DIAPH3: variants seen among roughly 807,000 people sequenced by gnomAD.
DIAPH3 encodes the protein protein diaphanous homolog 3.
DIAPH3 carries 117 observed loss-of-function variants against 144.3 expected under a neutral mutation model. That is an observed-to-expected ratio of 0.81 (90% CI 0.70 to 0.95). The LOEUF is 0.95. Ranked by LOEUF, DIAPH3 falls within the 40% of genes least tolerant of loss-of-function variation. The probability of loss-of-function intolerance (pLI) is 0.00; values close to 1 mark genes in which losing one functional copy is unlikely to be tolerated. For missense variants in DIAPH3, 1,421 were observed against 1,412.7 expected (o/e 1.01, Z -0.09); for synonymous variants, 519 against 488.9 (o/e 1.06, Z -0.81).
intron 4 of DIAPH3, among the ~76,000 whole-genome samples, chr13:60,087,536 G>T (rs2057787921): frequency 6.6e-6 from 1 of 152,082 alleles, no homozygotes; most frequent in Admixed American, 6.5e-5. Flanking sequence ...TAGTCTTTAT[G>T]CCTCGTAAAG....
At chr13:59,841,212 T>C (rs1197803285) in intron 22 of DIAPH3, among the ~76,000 whole-genome samples, 3 of 152,128 alleles carry the variant, frequency 2.0e-5, no homozygotes, top group Non-Finnish European at 4.4e-5. Flanking sequence ...CATTAGCATT[T>C]CCTCTATCAT....
intron 24 of DIAPH3, among the ~76,000 whole-genome samples, chr13:59,831,683 T>C (rs2041787672): frequency 6.6e-6 from 1 of 151,658 alleles, no homozygotes; most frequent in Admixed American, 6.6e-5. Flanking sequence ...AGCATATCTA[T>C]ATAGGTTGGC....
chr13:60,105,059 A>G lies in DIAPH3; in HGVS notation c.390+6951T>C, dbSNP rs144811644. On this transcript the variant is annotated intron_variant, in intron 3 of 27. Transcript: ENST00000400324. ...TGCAGTGAGCTGAGATTGCGCCACT[A>G]TACTCCATCCAGCCTGGGCGACAAA... is the stretch of plus-strand genomic sequence containing the variant. Among the ~76,000 whole-genome samples, 307 of 127,828 alleles carry G rather than the reference A, an allele frequency of 2.4e-3. 7 individuals carry two copies. The East Asian group carries it at 0.06, about 25-fold the overall frequency. 83.9% of individuals were successfully genotyped at this position (127,828 alleles called of 152,430 possible).
chr13:59,668,844 TACACACAC>T (rs10640305), intron 27 of DIAPH3, among the ~76,000 whole-genome samples: 1 of 148,254 alleles, frequency 6.7e-6, no homozygotes, highest in Non-Finnish European at 1.5e-5. Context: ...TATGTATGTA[TACACACAC>T]ACACACACAC....
At chr13:60,124,595 C>A (rs2058937332) in intron 2 of DIAPH3, among the ~76,000 whole-genome samples, 1 of 152,026 alleles carries the variant, frequency 6.6e-6, no homozygotes, top group African/African-American at 2.4e-5. Context: ...TACAATTTCT[C>A]TTTTCCAATT....
At position 60,163,861 on chromosome 13, in the gene DIAPH3, G is replaced by T; in HGVS notation, c.-95C>A. ...ATCGACAACAGGTTTTACTCCCGGG[G>T]TCCGCCACCCAAACAGTCAGCACAG... is the stretch of plus-strand genomic sequence containing the variant. On this transcript the variant is annotated 5_prime_UTR_variant, in exon 1 of 28. Transcript: ENST00000400324. 6.8e-7 allele frequency: 1 copy of T among 1,465,530 alleles called. No homozygotes were observed. Among genetic ancestry groups the T allele is most frequent in the Non-Finnish European group, 9.1e-7 (1 of 1,095,042 alleles). 90.8% of individuals were successfully genotyped at this position (1,465,530 alleles called of 1,614,324 possible).
intron 20 of DIAPH3, among the ~76,000 whole-genome samples, chr13:59,906,734 T>A (rs891267802): frequency 1.3e-5 from 2 of 152,180 alleles, no homozygotes; most frequent in Non-Finnish European, 1.5e-5. Context: ...CAGAATTAAA[T>A]AACGTGGAGA....
At chr13:59,943,841 G>A (rs1187627194) in intron 17 of DIAPH3, among the ~76,000 whole-genome samples, 2 of 152,032 alleles carry the variant, frequency 1.3e-5, no homozygotes. Context: ...GCTTTGATTG[G>A]CCTCAATTAT....
rs557617973 is a variant in DIAPH3, at chr13:59,709,989, G to A, written c.3320-43143C>T. 1.2e-3 allele frequency among the ~76,000 whole-genome samples: 180 copies of A among 151,800 alleles called. 2 individuals carry two copies. Among genetic ancestry groups the A allele is most frequent in the African/African-American group, 4.0e-3 (164 of 41,404 alleles). ...AAATCATCATTCTCAGTAAACTATC[G>A]CAAGAACAAAAAACGAAACACTGCA... On this transcript the variant is annotated intron_variant, in intron 27 of 27. Coordinates refer to ENST00000400324, the MANE Select transcript of DIAPH3 (RefSeq NM_001042517.2).
rs758356968 is a variant in DIAPH3 at position 60,016,156 on chromosome 13, G to GA, written c.627-12dup. On this transcript the variant is annotated splice_polypyrimidine_tract_variant and intron_variant, in intron 5 of 27. Coordinates refer to ENST00000400324, the MANE Select transcript of DIAPH3 (RefSeq NM_001042517.2). ...AAGCTTTCCACCCAACTGAAAAACA[G>GA]AAAAAAGACAGTTACACATTGTCAG... 11 of 1,612,626 alleles carry GA rather than the reference G, an allele frequency of 6.8e-6. No individual in the cohort carries two copies. The highest frequency in any genetic ancestry group is 3.3e-5 in the South Asian group (3 of 90,986).
chr13:60,084,039 T>C (rs566668646), intron 4 of DIAPH3, among the ~76,000 whole-genome samples: 4 of 151,874 alleles, frequency 2.6e-5, no homozygotes, highest in Admixed American at 1.3e-4. Flanking sequence ...GATAGATAGA[T>C]AGATAGATAG....
intron 4 of DIAPH3, among the ~76,000 whole-genome samples, chr13:60,073,333 C>G (rs1390500698): frequency 2.0e-5 from 3 of 151,492 alleles, no homozygotes; most frequent in African/African-American, 7.3e-5. Flanking sequence ...GATGAAAATA[C>G]CAAGTTTTCA....
In DIAPH3 at chr13:59,918,332, T is replaced by C. The variant is rs546406224; in HGVS notation, c.2171-2083A>G. Among the ~76,000 whole-genome samples, 203 of 152,104 alleles carry C rather than the reference T, an allele frequency of 1.3e-3. 1 individual carries two copies. The highest frequency in any genetic ancestry group is 4.2e-3 in the African/African-American group (175 of 41,506). On this transcript the variant is annotated intron_variant, in intron 18 of 27. Coordinates refer to ENST00000400324, the MANE Select transcript of DIAPH3 (RefSeq NM_001042517.2). ...ACCAGTATAAAATGCTCATGGACTC[T>C]GATTCCTGACAGGTATCTGCAGTCT... is the stretch of plus-strand genomic sequence containing the variant.
At chr13:60,007,981 C>A (rs1314811698) in intron 9 of DIAPH3, among the ~76,000 whole-genome samples, 6 of 152,100 alleles carry the variant, frequency 3.9e-5, no homozygotes, top group African/African-American at 1.4e-4. Flanking sequence ...ATATCTCATA[C>A]AGGGAAATCT....
chr13:60,108,485 G>A (rs1010272286), intron 3 of DIAPH3, among the ~76,000 whole-genome samples: 3 of 152,028 alleles, frequency 2.0e-5, no homozygotes, highest in Non-Finnish European at 4.4e-5. Flanking sequence ...GTATGTGCCT[G>A]TAGTCCCTGC....
chr13:60,127,155 AG>A (rs1594737338), intron 2 of DIAPH3, among the ~76,000 whole-genome samples: 2 of 152,068 alleles, frequency 1.3e-5, no homozygotes, highest in South Asian at 4.1e-4. Context: ...AGGATTGCAA[AG>A]GGGGTAATTA....
intron 4 of DIAPH3, among the ~76,000 whole-genome samples, chr13:60,084,465 G>A (rs1336038274): frequency 1.3e-5 from 2 of 151,396 alleles, no homozygotes; most frequent in Non-Finnish European, 2.9e-5. Flanking sequence ...ATATCTTCCA[G>A]ACCTAAATAA....
At chr13:60,077,593 A>G (rs1340280215) in intron 4 of DIAPH3, among the ~76,000 whole-genome samples, 1 of 152,114 alleles carries the variant, frequency 6.6e-6, no homozygotes, top group African/African-American at 2.4e-5. Context: ...AGAGAAGTGA[A>G]TATGTGTTAC....
At chr13:59,710,201 TA>T (rs1421964764) in intron 27 of DIAPH3, among the ~76,000 whole-genome samples, 4 of 150,566 alleles carry the variant, frequency 2.7e-5, no homozygotes, top group African/African-American at 9.8e-5. Flanking sequence ...CATATGTAAC[TA>T]ACCTGCACAT....
Sources: gnomAD v4.1 joint callset for allele counts (sites outside exome capture counted in the v4.1 genomes callset) on GRCh38, gnomAD v4.1.1 for gene constraint, MANE v1.5 for transcripts, NCBI Gene and HGNC (gene_info 2026-07-23, HGNC 2026-07-21) for gene names.